PCLO: variants seen among roughly 807,000 people sequenced by gnomAD.
The protein encoded by PCLO is piccolo presynaptic cytomatrix protein.
PCLO carries 82 observed loss-of-function variants against 427.5 expected under a neutral mutation model. The observed-to-expected ratio is 0.19, with a 90% confidence interval of 0.16 to 0.23. PCLO has a LOEUF of 0.23. Among genes scored for constraint, PCLO ranks in the 10% least tolerant of loss-of-function variants. PCLO has a pLI of 1.00. For missense variants in PCLO, 6,239 were observed against 6,115.9 expected (o/e 1.02, Z -0.67); for synonymous variants, 2,357 against 2,155.4 (o/e 1.09, Z -2.59).
chr7:82,825,610 ATG>A (rs951919848), intron 18 of PCLO, among the ~76,000 whole-genome samples: 13 of 148,594 alleles, frequency 8.7e-5, no homozygotes, highest in African/African-American at 3.2e-4. Context: ...AACAATGTGT[ATG>A]TGTGTATATA....
intron 3 of PCLO, among the ~76,000 whole-genome samples, chr7:83,028,892 A>C (rs1278699488): frequency 1.3e-5 from 2 of 151,938 alleles, no homozygotes; most frequent in African/African-American, 2.4e-5. Flanking sequence ...TGCTGGGAAA[A>C]CTGGCTAGCC....
At chr7:83,145,258 A>C (rs180817711) in intron 2 of PCLO, among the ~76,000 whole-genome samples, 4 of 152,186 alleles carry the variant, frequency 2.6e-5, no homozygotes. Context: ...ACAAAGAAGT[A>C]TGAATCAATG....
chr7:82,799,132 G>A (rs1337900819), intron 22 of PCLO, among the ~76,000 whole-genome samples: 1 of 152,128 alleles, frequency 6.6e-6, no homozygotes, highest in Non-Finnish European at 1.5e-5. Context: ...ATAAACTTTA[G>A]GATTAAAGAA....
At position 82,952,363 on chromosome 7, in the gene PCLO, C is replaced by T; in HGVS notation, c.8590G>A (p.Val2864Met). The T allele has an allele frequency of 6.2e-7, 1 of 1,613,888 alleles. No homozygotes were observed. Among genetic ancestry groups the T allele is most frequent in the South Asian group, 1.1e-5 (1 of 91,084 alleles). ...ACAGGTTTTGTAATAGCCAATGTCACTGCATGTGCTGGAGTACCTAGAGAT... is the reference window on the plus strand; with the variant it reads ...ACAGGTTTTGTAATAGCCAATGTCATTGCATGTGCTGGAGTACCTAGAGAT... The part of the protein sequence containing the change: ...NLSLGTPAHA[V>M]TLAITKPVTV... Residue 2864 changes from valine to methionine, a missense_variant, in exon 5 of 25, where the codon GTG (valine) becomes ATG (methionine). This residue lies in a region of PCLO where 4,677 missense variants were observed against 4,468.4 expected (regional missense o/e 1.05). Coordinates refer to ENST00000333891, the MANE Select transcript of PCLO (RefSeq NM_033026.6).
At chr7:82,924,807 A>C (rs1224162040) in intron 6 of PCLO, among the ~76,000 whole-genome samples, 1 of 152,092 alleles carries the variant, frequency 6.6e-6, no homozygotes, top group Non-Finnish European at 1.5e-5. Context: ...AAATAACTTA[A>C]GAAAAAAAGG....
intron 6 of PCLO, among the ~76,000 whole-genome samples, chr7:82,942,379 C>T (rs1795106268): frequency 6.6e-6 from 1 of 152,056 alleles, no homozygotes; most frequent in Admixed American, 6.6e-5. Context: ...AATAAGAATA[C>T]AATTTTTTTC....
At chr7:82,793,656 C>T (rs1020571956) in intron 22 of PCLO, among the ~76,000 whole-genome samples, 13 of 152,090 alleles carry the variant, frequency 8.5e-5, no homozygotes, top group African/African-American at 2.9e-4. Context: ...TGCTAATGAA[C>T]TCTTCATATT....
intron 10 of PCLO, among the ~76,000 whole-genome samples, chr7:82,876,196 TAAA>T (rs1304481173): frequency 6.6e-6 from 1 of 152,098 alleles, no homozygotes; most frequent in Admixed American, 6.6e-5. Flanking sequence ...GAATTAACTT[TAAA>T]CTATGAAATG....
chr7:82,950,018 T>A lies in PCLO; in HGVS notation c.10570A>T (p.Ile3524Leu), dbSNP rs1262202999. 1 of 1,613,294 alleles carries A rather than the reference T, an allele frequency of 6.2e-7. No individual in the cohort carries two copies. The highest frequency in any genetic ancestry group is 1.1e-5 in the South Asian group (1 of 91,026). ...CCAACTGGTTCAGTTTGCACAGATA[T>A]CTCTGCTACCGTTTGAACTGCTATG... ...SSIAVQTVAE[I>L]SVQTEPVGTI... Residue 3524 changes from isoleucine to leucine, a missense_variant, in exon 6 of 25, where the codon ATA becomes TTA. Around this residue, in one of 5 missense-constraint regions of PCLO, gnomAD observed 4,677 missense variants for 4,468.4 expected, o/e 1.05. Coordinates refer to ENST00000333891, the MANE Select transcript of PCLO (RefSeq NM_033026.6).
chr7:82,917,389 T>C (rs1794493335), intron 6 of PCLO, among the ~76,000 whole-genome samples: 1 of 152,122 alleles, frequency 6.6e-6, no homozygotes, highest in African/African-American at 2.4e-5. Flanking sequence ...TATTTGGTTT[T>C]CTTTGACTTT....
At chr7:83,091,245 G>A (rs1018268730) in intron 3 of PCLO, among the ~76,000 whole-genome samples, 4 of 152,134 alleles carry the variant, frequency 2.6e-5, no homozygotes, top group Non-Finnish European at 5.9e-5. Flanking sequence ...GCTAATCCAT[G>A]TATGAAAGCT....
At position 82,848,303 on chromosome 7, in the gene PCLO, A is replaced by ATTTT. The variant is rs1792556648; in HGVS notation, c.13655-1057_13655-1056insAAAA. On this transcript the variant is annotated intron_variant, in intron 10 of 24. Coordinates refer to ENST00000333891, the MANE Select transcript of PCLO (RefSeq NM_033026.6). ...CAATTATGTTGTTGAACCATTAGTTAGTTTTTTTTTTTTTTTTTTTTTTTT... is the reference window on the plus strand; with the variant it reads ...CAATTATGTTGTTGAACCATTAGTTATTTTGTTTTTTTTTTTTTTTTTTTTTTTT... Among the ~76,000 whole-genome samples, 12 of 78,364 alleles carry ATTTT rather than the reference A, an allele frequency of 1.5e-4. No individual in the cohort carries two copies. The East Asian group carries it at 2.9e-3, about 19-fold the overall frequency. The allele number at this position is 78,364 out of a possible 152,430, so 51.4% of individuals were successfully genotyped here. A position where few individuals can be genotyped will look rare whatever the true frequency, so the allele number is the denominator to read the frequency against.
At chr7:82,880,711 C>T (rs6975188) in intron 9 of PCLO, among the ~76,000 whole-genome samples, 14,383 of 152,090 alleles carry the variant, frequency 0.095, 2,291 homozygotes, top group African/African-American at 0.32. Flanking sequence ...TAGGATTTTC[C>T]AGGCCAAAAT....
At chr7:82,903,500 A>G (rs780751834) in intron 8 of PCLO, among the ~76,000 whole-genome samples, 2 of 151,996 alleles carry the variant, frequency 1.3e-5, no homozygotes, top group Non-Finnish European at 2.9e-5. Flanking sequence ...TATAGACAGC[A>G]TTATCTGTGT....
intron 3 of PCLO, among the ~76,000 whole-genome samples, chr7:83,047,164 T>A (rs1274421565): frequency 6.6e-6 from 1 of 152,062 alleles, no homozygotes. Context: ...TTTACACTTT[T>A]TGACAGATAC....
At chr7:83,146,940 G>A (rs960277851) in intron 2 of PCLO, among the ~76,000 whole-genome samples, 13 of 151,688 alleles carry the variant, frequency 8.6e-5, no homozygotes, top group African/African-American at 2.7e-4. Context: ...TGCCTTCACA[G>A]CAGAACATCT....
intron 4 of PCLO, among the ~76,000 whole-genome samples, chr7:82,957,490 C>T (rs1353553555): frequency 6.6e-6 from 1 of 152,058 alleles, no homozygotes; most frequent in Non-Finnish European, 1.5e-5. Context: ...TCATTCTTGT[C>T]AAATGATTCA....
At chr7:82,859,709 C>G (rs1006423652) in intron 10 of PCLO, among the ~76,000 whole-genome samples, 7 of 151,984 alleles carry the variant, frequency 4.6e-5, no homozygotes, top group African/African-American at 1.5e-4. Flanking sequence ...AAAACATGAC[C>G]TCACCTAATG....
Position 82,965,886 on chromosome 7 carries a change from C to A in PCLO, c.3902G>T (p.Gly1301Val), listed in dbSNP as rs748388348. The A allele has an allele frequency of 6.2e-7, 1 of 1,613,880 alleles. No individual in the cohort carries two copies. Among genetic ancestry groups the A allele is most frequent in the Non-Finnish European group, 8.5e-7 (1 of 1,179,840 alleles). Residue 1301 changes from glycine (G) to valine (V), a missense_variant, in exon 4 of 25, where the codon GGC (glycine) becomes GTC (valine). Physicochemically the swap from Gly to Val is moderately radical, Grantham distance 109. This residue lies in a region of PCLO where 4,677 missense variants were observed against 4,468.4 expected (regional missense o/e 1.05). Coordinates refer to ENST00000333891, the MANE Select transcript of PCLO (RefSeq NM_033026.6). ...TTCTTTAGGTAAACTCTGAGGTGTG[C>A]CAGATGGTAAACCTTCCATCTTGGT... ...PQTKMEGLPS[G>V]TPQSLPKEDD...
Sources: gnomAD v4.1 joint callset for allele counts (sites outside exome capture counted in the v4.1 genomes callset) on GRCh38, gnomAD v4.1.1 for gene constraint, gnomAD v4.1.1 regional missense constraint, MANE v1.5 for transcripts, NCBI Gene and HGNC (gene_info 2026-07-23, HGNC 2026-07-21) for gene names.